The following SNX27 variants were observed in gnomAD, a reference collection of about 807,000 sequenced individuals.
SNX27 encodes the protein sorting nexin-27.
In SNX27, 22 loss-of-function variants were observed where a neutral mutation model predicts 71.6. That is an observed-to-expected ratio of 0.31 (90% CI 0.22 to 0.44). SNX27 has a LOEUF of 0.44. Among genes scored for constraint, SNX27 ranks in the 20% least tolerant of loss-of-function variants. The pLI is 1.00. For synonymous variants in SNX27, 269 were observed against 277.2 expected (o/e 0.97, Z 0.29); for missense variants, 531 against 698.6 (o/e 0.76, Z 2.70).
chr1:151,627,332 G>A (rs1370803766), intron 1 of SNX27, among the ~76,000 whole-genome samples: 1 of 152,114 alleles, frequency 6.6e-6, no homozygotes, highest in Non-Finnish European at 1.5e-5. Context: ...AATTGTTAAC[G>A]AGTACCCTCG....
chr1:151,652,351 T>A (rs1442204313), intron 2 of SNX27, among the ~76,000 whole-genome samples: 3 of 151,858 alleles, frequency 2.0e-5, no homozygotes, highest in Non-Finnish European at 4.4e-5. Flanking sequence ...CTCAGCTGTG[T>A]CCAGTCTGCT....
rs538284320 is a variant in SNX27, at chr1:151,693,669, G to A, written c.1578+186G>A. ...CAAGGTTGGCCTCTGGATGGTGAAC[G>A]GGCTGTGCAAAAAAGCCCTGCTTCT... On this transcript the variant is annotated intron_variant, in intron 11 of 11. Transcript: ENST00000458013. 34 of 1,612,336 alleles carry A rather than the reference G, an allele frequency of 2.1e-5. No individual in the cohort carries two copies. In the African/African-American group the frequency reaches 2.4e-4, roughly 11 times the overall value.
chr1:151,661,405 G>T (rs1669961125), intron 4 of SNX27: 1 of 152,490 alleles, frequency 6.6e-6, no homozygotes. Context: ...TTTCCCACTA[G>T]ATTATAAATT....
Position 151,635,925 on chromosome 1 carries a change from G to A in SNX27, c.312-2963G>A, listed in dbSNP as rs145773789. ...ACTTAAGTTTCTCTGACGATTTTCAGGGTTTATTTTTGTGAGTGACCCAAG... is the reference window on the plus strand; with the variant it reads ...ACTTAAGTTTCTCTGACGATTTTCAAGGTTTATTTTTGTGAGTGACCCAAG... On this transcript the variant is annotated intron_variant, in intron 1 of 11. Transcript: ENST00000458013. 2.1e-3 allele frequency among the ~76,000 whole-genome samples: 323 copies of A among 152,160 alleles called. 2 individuals carry two copies. Among genetic ancestry groups the A allele is most frequent in the African/African-American group, 7.2e-3 (299 of 41,520 alleles).
intron 7 of SNX27, among the ~76,000 whole-genome samples, chr1:151,674,341 C>T (rs1310884104): frequency 6.6e-6 from 1 of 152,126 alleles, no homozygotes; most frequent in Admixed American, 6.5e-5. Flanking sequence ...AGGCTCCATG[C>T]CTTAAATATA....
intron 4 of SNX27, chr1:151,661,065 C>T (rs999390991): frequency 5.9e-6 from 3 of 504,390 alleles, no homozygotes; most frequent in Admixed American, 3.3e-5. Flanking sequence ...CCCACTTTCT[C>T]TTTGAAACCA....
chr1:151,632,149 T>C (rs2102620235), intron 1 of SNX27, among the ~76,000 whole-genome samples: 1 of 152,040 alleles, frequency 6.6e-6, no homozygotes, highest in Non-Finnish European at 1.5e-5. Context: ...CTTTATAATT[T>C]GTTGCGGAGG....
intron 1 of SNX27, among the ~76,000 whole-genome samples, chr1:151,619,186 C>CA: frequency 6.6e-6 from 1 of 151,782 alleles, no homozygotes. Context: ...GCAAAAAATA[C>CA]AAAAGTTAGC....
At chr1:151,641,598 G>GATATATATATAGATAT (rs1668722880) in intron 2 of SNX27, among the ~76,000 whole-genome samples, 1 of 78,994 alleles carries the variant, frequency 1.3e-5, no homozygotes, top group Non-Finnish European at 2.5e-5. Flanking sequence ...TCCTTTATCA[G>GATATATATATAGATAT]ATATATATAT....
At chr1:151,661,120 T>G (rs2102681961) in intron 4 of SNX27, 3 of 397,118 alleles carry the variant, frequency 7.6e-6, no homozygotes, top group African/African-American at 6.0e-5. Context: ...CAAAAACTTT[T>G]GCAATTAGTT....
At chr1:151,631,821 C>T (rs1668249909) in intron 1 of SNX27, among the ~76,000 whole-genome samples, 1 of 152,086 alleles carries the variant, frequency 6.6e-6, no homozygotes, top group African/African-American at 2.4e-5. Flanking sequence ...AATACGTGTG[C>T]ACCACCAGGC....
At chr1:151,631,505 A>G (rs1379843649) in intron 1 of SNX27, among the ~76,000 whole-genome samples, 1 of 152,152 alleles carries the variant, frequency 6.6e-6, no homozygotes, top group Non-Finnish European at 1.5e-5. Flanking sequence ...TTTTGCATTT[A>G]ACATAAGAAC....
intron 2 of SNX27, among the ~76,000 whole-genome samples, chr1:151,651,224 C>CA (rs907044446): frequency 2.7e-5 from 4 of 148,870 alleles, no homozygotes; most frequent in Admixed American, 2.7e-4. Flanking sequence ...GCTGGCCGGG[C>CA]GGGGGGCTGA....
At chr1:151,629,613 T>G (rs1323934884) in intron 1 of SNX27, among the ~76,000 whole-genome samples, 1 of 149,438 alleles carries the variant, frequency 6.7e-6, no homozygotes, top group Non-Finnish European at 1.5e-5. Context: ...AGACAGAGTC[T>G]CACTCTGTTG....
At position 151,630,755 on chromosome 1, in the gene SNX27, C is replaced by T. The variant is rs367859190; in HGVS notation, c.312-8133C>T. On this transcript the variant is annotated intron_variant, in intron 1 of 11. Coordinates refer to ENST00000458013, the MANE Select transcript of SNX27 (RefSeq NM_001330723.2). ...TTAGTCAGTAAGAATATTCTTCGGCCGGGCACGGTGGCTCACGCCTGTAAT... is the reference window on the plus strand; with the variant it reads ...TTAGTCAGTAAGAATATTCTTCGGCTGGGCACGGTGGCTCACGCCTGTAAT... Among the ~76,000 whole-genome samples the T allele has an allele frequency of 7.0e-4, 106 of 152,278 alleles. 1 individual carries two copies. Among genetic ancestry groups the T allele is most frequent in the African/African-American group, 2.4e-3 (100 of 41,552 alleles).
rs188609018 is a variant in SNX27, at chr1:151,649,317, A to G, written c.544-8918A>G. On this transcript the variant is annotated intron_variant, in intron 2 of 11. Coordinates refer to ENST00000458013, the MANE Select transcript of SNX27 (RefSeq NM_001330723.2). ...AAAGTACCAAAAGAAAAAAACAATC[A>G]CTCCATTGTAATCCCAGCACTTTGG... 4.1e-4 allele frequency among the ~76,000 whole-genome samples: 63 copies of G among 152,040 alleles called. No individual in the cohort carries two copies. In the East Asian group the frequency reaches 0.012, roughly 29 times the overall value.
At chr1:151,660,429 A>G (rs1428953868) in intron 3 of SNX27, 1 of 159,430 alleles carries the variant, frequency 6.3e-6, no homozygotes, top group Non-Finnish European at 1.4e-5. Context: ...TATTTGGTTT[A>G]TTCCTGATTA....
intron 5 of SNX27, among the ~76,000 whole-genome samples, chr1:151,663,883 G>C (rs1670071863): frequency 6.6e-6 from 1 of 152,034 alleles, no homozygotes; most frequent in Admixed American, 6.6e-5. Context: ...GCCTTAACCA[G>C]TGATTTCATT....
intron 1 of SNX27, among the ~76,000 whole-genome samples, chr1:151,635,629 T>C (rs1377519319): frequency 6.6e-6 from 1 of 152,178 alleles, no homozygotes; most frequent in African/African-American, 2.4e-5. Flanking sequence ...AAATCAGACA[T>C]CCTGGGGTTT....
Sources: gnomAD v4.1 joint callset for allele counts (sites outside exome capture counted in the v4.1 genomes callset) on GRCh38, gnomAD v4.1.1 for gene constraint, MANE v1.5 for transcripts, NCBI Gene and HGNC (gene_info 2026-07-23, HGNC 2026-07-21) for gene names.